The following ADAM32 variants were observed in gnomAD, a reference collection of about 807,000 sequenced individuals.
ADAM32 encodes disintegrin and metalloproteinase domain-containing protein 32.
Under a neutral mutation model 114.9 loss-of-function variants are expected in ADAM32, and 89 were observed. The observed-to-expected ratio is 0.77, with a 90% CI of 0.65 to 0.92. ADAM32 has a LOEUF of 0.92. Ranked by LOEUF, ADAM32 falls within the 40% of genes least tolerant of loss-of-function variation. The pLI, the probability that ADAM32 is intolerant of heterozygous loss-of-function variation, is 0.00. For missense variants in ADAM32, 870 were observed against 932.8 expected (o/e 0.93, Z 0.88); for synonymous variants, 285 against 307.5 (o/e 0.93, Z 0.77).
intron 2 of ADAM32, among the ~76,000 whole-genome samples, chr8:39,122,228 G>A (rs1213050939): frequency 2.0e-5 from 3 of 152,288 alleles, no homozygotes; most frequent in Non-Finnish European, 4.4e-5. Context: ...AAATGAATTT[G>A]GGGGGCGCAC....
chr8:39,204,103 A>G (rs996368817), intron 11 of ADAM32, among the ~76,000 whole-genome samples: 7 of 152,030 alleles, frequency 4.6e-5, no homozygotes, highest in Admixed American at 1.3e-4. Context: ...TCTGACAATT[A>G]TGTGTCTTGG....
intron 11 of ADAM32, among the ~76,000 whole-genome samples, chr8:39,205,354 C>T (rs937543890): frequency 2.0e-5 from 3 of 152,244 alleles, no homozygotes; most frequent in Non-Finnish European, 4.4e-5. Flanking sequence ...GCCTCGCTGC[C>T]ACCTTGCAGT....
intron 16 of ADAM32, among the ~76,000 whole-genome samples, chr8:39,235,813 A>G (rs1214602191): frequency 6.6e-6 from 1 of 152,222 alleles, no homozygotes; most frequent in Admixed American, 6.5e-5. Context: ...ATGGTCAAGG[A>G]CCAGCGAGAA....
intron 6 of ADAM32, among the ~76,000 whole-genome samples, chr8:39,160,627 G>C (rs1402153425): frequency 6.7e-6 from 1 of 150,258 alleles, no homozygotes; most frequent in Non-Finnish European, 1.5e-5. Context: ...TGCAGATGAA[G>C]TAGATGGAAA....
intron 12 of ADAM32, among the ~76,000 whole-genome samples, chr8:39,216,877 T>C (rs1465677603): frequency 2.0e-5 from 1 of 50,224 alleles, no homozygotes; most frequent in African/African-American, 6.0e-5. Flanking sequence ...AAGAGTAGTT[T>C]TATGCACCCC....
At chr8:39,238,679 A>AAAG (rs1810357773) in intron 16 of ADAM32, among the ~76,000 whole-genome samples, 1 of 152,194 alleles carries the variant, frequency 6.6e-6, no homozygotes, top group South Asian at 2.1e-4. Flanking sequence ...GAAATTTTTT[A>AAAG]AAGTACAGAA....
intron 16 of ADAM32, among the ~76,000 whole-genome samples, chr8:39,236,623 C>T (rs757380803): frequency 6.6e-6 from 1 of 152,086 alleles, no homozygotes; most frequent in Non-Finnish European, 1.5e-5. Flanking sequence ...CCTACATCAG[C>T]GTGGTACATT....
chr8:39,258,046 C>T (rs1811770640), intron 19 of ADAM32, among the ~76,000 whole-genome samples: 1 of 151,936 alleles, frequency 6.6e-6, no homozygotes, highest in Non-Finnish European at 1.5e-5. Context: ...CATAACCTAC[C>T]TAGTATTGTT....
chr8:39,253,794 G>A (rs981645039), intron 17 of ADAM32, among the ~76,000 whole-genome samples: 3 of 151,318 alleles, frequency 2.0e-5, no homozygotes, highest in Admixed American at 6.6e-5. Context: ...GATATTCCAC[G>A]GATTGAAGAA....
intron 12 of ADAM32, among the ~76,000 whole-genome samples, chr8:39,217,710 T>C (rs1007329187): frequency 2.0e-4 from 31 of 152,236 alleles, no homozygotes; most frequent in African/African-American, 7.2e-4. Flanking sequence ...CTGCTTGATT[T>C]TTTAAATAAT....
chr8:39,178,766 C>G (rs1805668560), intron 10 of ADAM32, among the ~76,000 whole-genome samples: 1 of 152,032 alleles, frequency 6.6e-6, no homozygotes, highest in African/African-American at 2.4e-5. Flanking sequence ...TTCCTTTTAA[C>G]AGTCAGGCCA....
chr8:39,249,151 G>A (rs995480014), intron 17 of ADAM32, among the ~76,000 whole-genome samples: 9 of 151,936 alleles, frequency 5.9e-5, no homozygotes, highest in Admixed American at 1.3e-4. Flanking sequence ...TGATCTGCCC[G>A]TCTTGGCCTC....
intron 17 of ADAM32, among the ~76,000 whole-genome samples, chr8:39,250,782 C>A (rs1811235384): frequency 6.6e-6 from 1 of 151,872 alleles, no homozygotes; most frequent in Non-Finnish European, 1.5e-5. Flanking sequence ...CTTCTTCTTT[C>A]AAACTGGATA....
At chr8:39,262,887 T>A (rs1190759135) in intron 19 of ADAM32, among the ~76,000 whole-genome samples, 1 of 152,030 alleles carries the variant, frequency 6.6e-6, no homozygotes, top group Non-Finnish European at 1.5e-5. Context: ...TTTTAATTTT[T>A]AATACAGATG....
chr8:39,263,003 G>A (rs1292623312), intron 19 of ADAM32, among the ~76,000 whole-genome samples: 3 of 152,160 alleles, frequency 2.0e-5, no homozygotes, highest in South Asian at 2.1e-4. Flanking sequence ...ACCAGGCTTG[G>A]TGAGGTGTTC....
intron 10 of ADAM32, among the ~76,000 whole-genome samples, chr8:39,178,408 G>T (rs568980196): frequency 6.6e-6 from 1 of 152,292 alleles, no homozygotes; most frequent in African/African-American, 2.4e-5. Context: ...CTGGTTAACT[G>T]CTCCTGTATT....
intron 3 of ADAM32, among the ~76,000 whole-genome samples, chr8:39,140,304 C>G (rs1474741436): frequency 1.3e-5 from 2 of 151,992 alleles, no homozygotes; most frequent in Admixed American, 6.6e-5. Flanking sequence ...TCATAAATAG[C>G]TGTTATTATT....
At chr8:39,222,414 A>G (rs1235439743) in intron 13 of ADAM32, among the ~76,000 whole-genome samples, 1 of 152,002 alleles carries the variant, frequency 6.6e-6, no homozygotes, top group Non-Finnish European at 1.5e-5. Flanking sequence ...TAATCTTTTT[A>G]GTGTCAGCTG....
intron 14 of ADAM32, among the ~76,000 whole-genome samples, chr8:39,229,935 A>C (rs918356020): frequency 6.6e-6 from 1 of 152,182 alleles, no homozygotes; most frequent in Non-Finnish European, 1.5e-5. Flanking sequence ...GGATAGACCC[A>C]AAGATAAGCC....
Sources: allele counts gnomAD v4.1 joint callset (sites outside exome capture counted in the v4.1 genomes callset), GRCh38; gene constraint gnomAD v4.1.1; transcripts MANE v1.5; gene names NCBI Gene and HGNC (gene_info 2026-07-23, HGNC 2026-07-21).